Variants in POFUT3 observed in about 807,000 individuals in gnomAD.
POFUT3 encodes GDP-fucose protein O-fucosyltransferase 3.
chr8:33,379,844 A>ATATAT, the POFUT3 span, among the ~76,000 whole-genome samples: 58 of 44,956 alleles, frequency 1.3e-3, no homozygotes, highest in African/African-American at 3.2e-3. Context: ...TAAAAAAAAA[A>ATATAT]AAATATATAT....
the POFUT3 span, among the ~76,000 whole-genome samples, chr8:33,381,124 A>G: frequency 5.8e-4 from 89 of 152,168 alleles, no homozygotes; most frequent in Non-Finnish European, 1.1e-3. Flanking sequence ...GCAACAGAGG[A>G]AGACCCTGTC....
the POFUT3 span, among the ~76,000 whole-genome samples, chr8:33,315,751 A>C: frequency 0.046 from 6,945 of 152,278 alleles, 230 homozygotes; most frequent in Non-Finnish European, 0.068. Context: ...GCATTTGAAT[A>C]ATAAGACCTC....
At chr8:33,393,314 T>C in the POFUT3 span, among the ~76,000 whole-genome samples, 2 of 152,264 alleles carry the variant, frequency 1.3e-5, no homozygotes, top group Non-Finnish European at 2.9e-5. Context: ...AAACTTTCAT[T>C]CCTCTGGGTT....
the POFUT3 span, among the ~76,000 whole-genome samples, chr8:33,346,428 C>A: frequency 5.3e-5 from 8 of 152,204 alleles, no homozygotes; most frequent in East Asian, 1.5e-3. Context: ...GAAAAATATA[C>A]CAGGCCCATA....
the POFUT3 span, among the ~76,000 whole-genome samples, chr8:33,317,372 A>T: frequency 1.3e-5 from 2 of 152,124 alleles, no homozygotes; most frequent in Non-Finnish European, 2.9e-5. Context: ...GAAGGAAGTC[A>T]TGCCCACAGG....
At chr8:33,421,064 AAG>A in the POFUT3 span, among the ~76,000 whole-genome samples, 1 of 151,972 alleles carries the variant, frequency 6.6e-6, no homozygotes, top group Non-Finnish European at 1.5e-5. Flanking sequence ...CTTTTTGTGA[AAG>A]AAATGTTAAT....
the POFUT3 span, among the ~76,000 whole-genome samples, chr8:33,440,738 A>C: frequency 1.3e-5 from 2 of 152,202 alleles, no homozygotes; most frequent in African/African-American, 4.8e-5. Flanking sequence ...TGCTATTTTA[A>C]AACACTTGAC....
the POFUT3 span, among the ~76,000 whole-genome samples, chr8:33,471,219 G>GT: frequency 1.3e-5 from 2 of 151,156 alleles, no homozygotes; most frequent in South Asian, 2.1e-4. Context: ...TCCGAGGTTG[G>GT]TTTTTTTGTT....
chr8:33,349,397 G>A, the POFUT3 span, among the ~76,000 whole-genome samples: 2,213 of 152,244 alleles, frequency 0.015, 53 homozygotes, highest in African/African-American at 0.05. Context: ...ACCAGCGTAC[G>A]CTGTACCCAG....
the POFUT3 span, among the ~76,000 whole-genome samples, chr8:33,393,426 G>A: frequency 6.6e-6 from 1 of 152,200 alleles, no homozygotes; most frequent in Admixed American, 6.5e-5. Context: ...TTGCAACTTG[G>A]AATACAAATG....
chr8:33,343,062 G>C, the POFUT3 span, among the ~76,000 whole-genome samples: 1 of 149,596 alleles, frequency 6.7e-6, no homozygotes, highest in Non-Finnish European at 1.5e-5. Flanking sequence ...AGTGAGCCAA[G>C]ATCGCGCCAC....
At chr8:33,463,846 A>G in the POFUT3 span, among the ~76,000 whole-genome samples, 3 of 152,098 alleles carry the variant, frequency 2.0e-5, no homozygotes, top group African/African-American at 7.2e-5. Context: ...GCCACCGTGC[A>G]CGGCCTTACT....
the POFUT3 span, among the ~76,000 whole-genome samples, chr8:33,311,094 T>A: frequency 6.6e-6 from 1 of 152,176 alleles, no homozygotes; most frequent in Non-Finnish European, 1.5e-5. Flanking sequence ...AGGACCTGGT[T>A]TTTCTTTGCA....
the POFUT3 span, among the ~76,000 whole-genome samples, chr8:33,401,988 C>T: frequency 5.5e-3 from 829 of 151,808 alleles, 6 homozygotes; most frequent in African/African-American, 0.017. Context: ...ATCACGCCAC[C>T]GCACTCCAGC....
At chr8:33,458,565 A>T in the POFUT3 span, among the ~76,000 whole-genome samples, 1 of 151,954 alleles carries the variant, frequency 6.6e-6, no homozygotes, top group East Asian at 1.9e-4. Context: ...AAATACAAAA[A>T]ATTAGCCAGG....
chr8:33,451,301 G>A, the POFUT3 span, among the ~76,000 whole-genome samples: 1 of 151,908 alleles, frequency 6.6e-6, no homozygotes, highest in African/African-American at 2.4e-5. Context: ...GGATTCGGGG[G>A]CATTTCAGAT....
the POFUT3 span, among the ~76,000 whole-genome samples, chr8:33,336,532 T>C: frequency 2.0e-5 from 3 of 152,202 alleles, no homozygotes; most frequent in Non-Finnish European, 4.4e-5. Flanking sequence ...CTGGGTCTCA[T>C]AAGCTAGTAG....
chr8:33,422,677 T>C, the POFUT3 span, among the ~76,000 whole-genome samples: 2 of 152,042 alleles, frequency 1.3e-5, no homozygotes, highest in East Asian at 3.9e-4. Context: ...GATTAACTTT[T>C]GCTAAAGACT....
chr8:33,374,859 C>CTT, the POFUT3 span, among the ~76,000 whole-genome samples: 1 of 147,780 alleles, frequency 6.8e-6, no homozygotes, highest in Non-Finnish European at 1.5e-5. Context: ...AAGACATTTT[C>CTT]TTTTTTTTCT....
Sources: allele counts gnomAD v4.1 joint callset (sites outside exome capture counted in the v4.1 genomes callset), GRCh38; gene constraint gnomAD v4.1.1; transcripts MANE v1.5; gene names NCBI Gene and HGNC (gene_info 2026-07-23, HGNC 2026-07-21).